The following NECAB1 variants were observed in gnomAD, a reference collection of about 807,000 sequenced individuals.
NECAB1 encodes the protein N-terminal EF-hand calcium-binding protein 1.
Under a neutral mutation model 57.5 loss-of-function variants are expected in NECAB1, and 29 were observed. The observed-to-expected ratio is 0.50, with a 90% CI of 0.38 to 0.69. NECAB1 has a LOEUF of 0.69. Ranked by LOEUF, NECAB1 falls within the 30% of genes least tolerant of loss-of-function variation. NECAB1 has a pLI of 0.00. For synonymous variants in NECAB1, 142 were observed against 147.7 expected, an observed-to-expected ratio of 0.96 and a Z score of 0.28; for missense variants, 372 against 413.8, an observed-to-expected ratio of 0.90 and a Z score of 0.88.
intron 4 of NECAB1, among the ~76,000 whole-genome samples, 184 bp from the exon 5 acceptor site, chr8:90,880,849 T>G (rs1452304872): frequency 2.0e-5 from 3 of 152,184 alleles, no homozygotes; most frequent in Non-Finnish European, 4.4e-5. Flanking sequence ...TTTTCTTTTT[T>G]CTTGATGTCT....
chr8:90,872,727 A>T (rs1379143672), intron 4 of NECAB1, among the ~76,000 whole-genome samples: 4 of 152,168 alleles, frequency 2.6e-5, no homozygotes, highest in Non-Finnish European at 5.9e-5. Context: ...AAATTTTAAA[A>T]TTTTATTATT....
chr8:90,931,115 C>G (rs767315684), intron 8 of NECAB1, among the ~76,000 whole-genome samples: 14 of 151,766 alleles, frequency 9.2e-5, no homozygotes, highest in Admixed American at 3.9e-4. Flanking sequence ...ATTTTGAGGA[C>G]AGTGTATAAG....
At chr8:90,952,231 A>AC (rs1271038359) in intron 12 of NECAB1, among the ~76,000 whole-genome samples, 1 of 152,074 alleles carries the variant, frequency 6.6e-6, no homozygotes, top group African/African-American at 2.4e-5. Context: ...GAAAAAAAAA[A>AC]AAACCTGCAC....
intron 3 of NECAB1, among the ~76,000 whole-genome samples, chr8:90,842,160 C>T (rs571728799): frequency 6.6e-6 from 1 of 152,020 alleles, no homozygotes; most frequent in African/African-American, 2.4e-5. Context: ...TATAACAAAC[C>T]TGTATATCCT....
intron 8 of NECAB1, among the ~76,000 whole-genome samples, chr8:90,933,554 A>T (rs1810459572): frequency 6.6e-6 from 1 of 152,132 alleles, no homozygotes; most frequent in Non-Finnish European, 1.5e-5. Flanking sequence ...AGAATGACAC[A>T]GTAGACTTTG....
chr8:90,915,608 A>C (rs1316951252), intron 5 of NECAB1, among the ~76,000 whole-genome samples: 1 of 152,180 alleles, frequency 6.6e-6, no homozygotes, highest in African/African-American at 2.4e-5. Context: ...ATAATAGGAT[A>C]GATGTTTATA....
At chr8:90,944,132 TTATTA>T (rs1052596150) in intron 10 of NECAB1, among the ~76,000 whole-genome samples, 14 of 152,286 alleles carry the variant, frequency 9.2e-5, no homozygotes, top group South Asian at 8.3e-4. Context: ...TAAAAAAAAC[TTATTA>T]AAGTTTGTCT....
At chr8:90,843,053 T>A (rs1045079097) in intron 3 of NECAB1, among the ~76,000 whole-genome samples, 1 of 152,118 alleles carries the variant, frequency 6.6e-6, no homozygotes, top group Non-Finnish European at 1.5e-5. Context: ...CTCCCAGTCA[T>A]GGCAGAAGGC....
intron 1 of NECAB1, among the ~76,000 whole-genome samples, chr8:90,796,101 G>A (rs560774333): frequency 5.9e-5 from 9 of 152,288 alleles, no homozygotes; most frequent in Admixed American, 5.2e-4. Flanking sequence ...GAAAATATGT[G>A]CACTGATTCC....
In NECAB1 at chr8:90,922,486, A is replaced by ATTTTTTTTTTTT. The variant is rs577951495; in HGVS notation, c.495-3036_495-3025dup. On this transcript the variant is annotated intron_variant, in intron 6 of 12. Coordinates refer to ENST00000417640, the MANE Select transcript of NECAB1 (RefSeq NM_022351.5). ...ACCACCAAAGCTGCCAAAAACTTGGATTTTTTTTTTTTTTTTTTTTTTTTG... is the reference window on the plus strand; with the variant it reads ...ACCACCAAAGCTGCCAAAAACTTGGATTTTTTTTTTTTTTTTTTTTTTTTTTTTTTTTTTTTG... Among the ~76,000 whole-genome samples, 25 of 57,506 alleles carry ATTTTTTTTTTTT rather than the reference A, an allele frequency of 4.3e-4. 2 individuals carry two copies. The highest frequency in any genetic ancestry group is 9.6e-4 in the East Asian group (1 of 1,042). The allele number at this position is 57,506 out of a possible 152,430, so 37.7% of individuals were successfully genotyped here. A position where few individuals can be genotyped will look rare whatever the true frequency, so the allele number is the denominator to read the frequency against.
intron 6 of NECAB1, among the ~76,000 whole-genome samples, chr8:90,922,093 C>T (rs1189647897): frequency 2.6e-5 from 4 of 152,226 alleles, no homozygotes; most frequent in East Asian, 1.9e-4. Flanking sequence ...TCAGAAAGTA[C>T]GTAATAGCTA....
intron 1 of NECAB1, 95 bp from the exon 2 acceptor site, chr8:90,801,596 T>C: frequency 1.3e-6 from 1 of 789,434 alleles, no homozygotes; most frequent in South Asian, 1.7e-5. Context: ...TTAGAATGTA[T>C]TTTATTTAAT....
chr8:90,887,937 G>A (rs961031557), intron 5 of NECAB1, among the ~76,000 whole-genome samples: 1 of 152,176 alleles, frequency 6.6e-6, no homozygotes, highest in African/African-American at 2.4e-5. Context: ...TGCTAGAGCT[G>A]TGGTAGGTAG....
chr8:90,823,116 C>G (rs1209862738), intron 2 of NECAB1, among the ~76,000 whole-genome samples: 1 of 151,654 alleles, frequency 6.6e-6, no homozygotes, highest in African/African-American at 2.4e-5. Flanking sequence ...ATTGATGAGC[C>G]TGGGGATTGA....
At chr8:90,804,934 A>C (rs901209975) in intron 2 of NECAB1, among the ~76,000 whole-genome samples, 2 of 152,232 alleles carry the variant, frequency 1.3e-5, no homozygotes, top group Non-Finnish European at 2.9e-5. Context: ...AGTGCCTGGA[A>C]TGTAGTAACA....
intron 10 of NECAB1, among the ~76,000 whole-genome samples, chr8:90,944,982 C>T (rs1810764461): frequency 6.6e-6 from 1 of 152,106 alleles, no homozygotes; most frequent in South Asian, 2.1e-4. Flanking sequence ...ACTGCAGCCT[C>T]AACCTCCCAG....
At chr8:90,829,988 G>C (rs1264055948) in intron 3 of NECAB1, among the ~76,000 whole-genome samples, 3 of 152,036 alleles carry the variant, frequency 2.0e-5, no homozygotes, top group African/African-American at 4.8e-5. Context: ...TGCTCCTTTG[G>C]AAACAGAAAA....
intron 10 of NECAB1, among the ~76,000 whole-genome samples, chr8:90,944,794 A>G (rs1466095627): frequency 6.6e-6 from 1 of 152,252 alleles, no homozygotes; most frequent in East Asian, 1.9e-4. Context: ...TCAAAACTCC[A>G]TGTCAAGGGC....
intron 3 of NECAB1, among the ~76,000 whole-genome samples, chr8:90,839,680 G>A (rs894077029): frequency 4.6e-5 from 7 of 152,274 alleles, no homozygotes; most frequent in Non-Finnish European, 2.9e-5. Context: ...GCCTGTAGAC[G>A]AGAGAGAGTG....
Sources: gnomAD v4.1 joint callset for allele counts (sites outside exome capture counted in the v4.1 genomes callset) on GRCh38, gnomAD v4.1.1 for gene constraint, MANE v1.5 for transcripts, NCBI Gene and HGNC (gene_info 2026-07-23, HGNC 2026-07-21) for gene names.